Variants in GHR observed in about 807,000 individuals in gnomAD.
The protein encoded by GHR is growth hormone receptor, also known as GH receptor.
GHR carries 35 observed loss-of-function variants against 67.1 expected under a neutral mutation model. That is an observed-to-expected ratio of 0.52 (90% CI 0.40 to 0.69). The LOEUF (loss-of-function observed/expected upper bound fraction) is 0.69, where lower values mean the gene tolerates loss of function less well. Ranked by LOEUF, GHR falls within the 30% of genes least tolerant of loss-of-function variation. The pLI is 0.00. For missense variants in GHR, 792 were observed against 764.6 expected, an observed-to-expected ratio of 1.04 and a Z score of -0.42; for synonymous variants, 272 against 269.1, an observed-to-expected ratio of 1.01 and a Z score of -0.10.
intron 1 of GHR, among the ~76,000 whole-genome samples, chr5:42,493,351 CAAGTATTTATTTAAAATACTGCCT>C (rs1376323655): frequency 6.6e-6 from 1 of 152,130 alleles, no homozygotes; most frequent in Non-Finnish European, 1.5e-5. Context: ...GTTTGATTAT[CAAGTATTTATTTAAAATACTGCCT>C]AAGTATTTAA....
chr5:42,467,370 A>C (rs7702407), intron 1 of GHR: 5 of 963,508 alleles, frequency 5.2e-6, no homozygotes, highest in Non-Finnish European at 8.4e-6. Context: ...CTTTGCCAGA[A>C]TCGTTACAGG....
chr5:42,468,797 A>C (rs2112087727), intron 1 of GHR: 10 of 1,063,644 alleles, frequency 9.4e-6, no homozygotes, highest in Non-Finnish European at 1.4e-5. Context: ...GGGTCCGATT[A>C]GTTGTCAAAT....
chr5:42,483,225 TA>T (rs1745732830), intron 1 of GHR, among the ~76,000 whole-genome samples: 1 of 152,194 alleles, frequency 6.6e-6, no homozygotes, highest in African/African-American at 2.4e-5. Context: ...CTAATTTTTG[TA>T]TTTTTTGTAG....
intron 5 of GHR, among the ~76,000 whole-genome samples, chr5:42,698,183 G>A (rs1027107511): frequency 1.1e-4 from 16 of 152,134 alleles, no homozygotes; most frequent in Non-Finnish European, 1.9e-4. Flanking sequence ...TGTCAATATA[G>A]CATGTAGATT....
At chr5:42,484,280 G>A (rs1745784508) in intron 1 of GHR, among the ~76,000 whole-genome samples, 1 of 152,056 alleles carries the variant, frequency 6.6e-6, no homozygotes, top group Non-Finnish European at 1.5e-5. Context: ...TCATGTGTGT[G>A]GTGTCTAATT....
At chr5:42,591,890 A>T (rs1751797873) in intron 2 of GHR, among the ~76,000 whole-genome samples, 1 of 152,156 alleles carries the variant, frequency 6.6e-6, no homozygotes. Context: ...TCTCAGGGGT[A>T]TGTGCATTTT....
At chr5:42,536,142 G>A (rs1393663338) in intron 1 of GHR, among the ~76,000 whole-genome samples, 1 of 151,948 alleles carries the variant, frequency 6.6e-6, no homozygotes, top group Non-Finnish European at 1.5e-5. Flanking sequence ...TTACCAATTT[G>A]GATGCTCTTT....
Position 42,695,035 on chromosome 5 carries a change from C to T in GHR, c.385C>T (p.Leu129=), listed in dbSNP as rs1757605220. The change falls in exon 5 of 10, where the codon CTA becomes TTA. Residue 129 remains leucine (L), a synonymous_variant. Coordinates refer to ENST00000230882, the MANE Select transcript of GHR (RefSeq NM_000163.5). ...TSIWIPYCIK[L]TSNGGTVDEK... ...CATCTGGATACCTTATTGTATCAAG[C>T]TAACTAGCAATGGTGGTACAGTGGA... The T allele has an allele frequency of 6.2e-7, 1 of 1,609,394 alleles. No individual in the cohort carries two copies. Among genetic ancestry groups the T allele is most frequent in the Non-Finnish European group, 8.5e-7 (1 of 1,175,904 alleles).
intron 1 of GHR, chr5:42,468,035 G>A: frequency 1.2e-6 from 1 of 824,632 alleles, no homozygotes; most frequent in Non-Finnish European, 2.0e-6. Context: ...TTAAGGATCA[G>A]CTTTCTGGAT....
intron 1 of GHR, among the ~76,000 whole-genome samples, chr5:42,533,999 AATTC>A (rs1429281320): frequency 6.6e-6 from 1 of 151,470 alleles, no homozygotes. Context: ...CACTGCCATT[AATTC>A]ATTCCTTTCT....
At chr5:42,708,124 C>A (rs1373117522) in intron 6 of GHR, among the ~76,000 whole-genome samples, 2 of 152,040 alleles carry the variant, frequency 1.3e-5, no homozygotes, top group African/African-American at 4.8e-5. Context: ...ACAAAAAGTT[C>A]ATCAGTAGAG....
In GHR at chr5:42,711,287, A is replaced by G. The variant is rs1758445021; in HGVS notation, c.699A>G (p.Lys233=). The G allele has an allele frequency of 6.2e-7, 1 of 1,613,178 alleles. No homozygotes were observed. The highest frequency in any genetic ancestry group is 8.5e-7 in the Non-Finnish European group (1 of 1,179,136). Residue 233 remains lysine, a synonymous_variant, in exon 7 of 10, where the codon AAA becomes AAG. Transcript: ENST00000230882. ...DKEYEVRVRS[K]QRNSGNYGEF... ...AATATGAAGTGCGTGTGAGATCCAA[A>G]CAACGAAACTCTGGAAATTATGGCG... is the stretch of plus-strand genomic sequence containing the variant.
chr5:42,523,033 G>A (rs769174829), intron 1 of GHR, among the ~76,000 whole-genome samples: 2 of 152,176 alleles, frequency 1.3e-5, no homozygotes, highest in African/African-American at 2.4e-5. Flanking sequence ...CAATGAGGAC[G>A]TGTGGCAATA....
intron 2 of GHR, among the ~76,000 whole-genome samples, chr5:42,602,631 A>G (rs924258550): frequency 6.6e-6 from 1 of 151,830 alleles, no homozygotes; most frequent in African/African-American, 2.4e-5. Flanking sequence ...TTTTATGCTG[A>G]TAGGTTTTGA....
intron 4 of GHR, among the ~76,000 whole-genome samples, chr5:42,692,023 C>G (rs1362160835): frequency 6.6e-6 from 1 of 152,192 alleles, no homozygotes. Flanking sequence ...CTGTATCCCC[C>G]ACCTCTTCCA....
At chr5:42,467,689 A>C in intron 1 of GHR, 3 of 1,577,300 alleles carry the variant, frequency 1.9e-6, no homozygotes. Context: ...TGCACTCTGA[A>C]TGAAGGCCTT....
chr5:42,465,314 TGCATGAAAA>T, intron 1 of GHR: 1 of 707,864 alleles, frequency 1.4e-6, no homozygotes, highest in African/African-American at 1.8e-5. Flanking sequence ...ATTTTTTTTT[TGCATGAAAA>T]TAAATCTTTA....
intron 1 of GHR, among the ~76,000 whole-genome samples, chr5:42,563,380 C>T (rs1749723923): frequency 6.6e-6 from 1 of 151,848 alleles, no homozygotes; most frequent in Non-Finnish European, 1.5e-5. Flanking sequence ...TTTGGAAGGC[C>T]AAGGCGGGTG....
intron 3 of GHR, among the ~76,000 whole-genome samples, chr5:42,673,966 A>G (rs1373868530): frequency 6.6e-6 from 1 of 152,202 alleles, no homozygotes; most frequent in Non-Finnish European, 1.5e-5. Context: ...ACTAGTCATC[A>G]GCGTGTTTTT....
Sources: gnomAD v4.1 joint callset for allele counts (sites outside exome capture counted in the v4.1 genomes callset) on GRCh38, gnomAD v4.1.1 for gene constraint, MANE v1.5 for transcripts, NCBI Gene and HGNC (gene_info 2026-07-23, HGNC 2026-07-21) for gene names.